Variants in BAAT observed in about 807,000 individuals in gnomAD.
BAAT encodes bile acid-CoA:amino acid N-acyltransferase.
In BAAT, 13 loss-of-function variants were observed where a neutral mutation model predicts 18.9. That is an observed-to-expected ratio of 0.69 (90% CI 0.45 to 1.10). The LOEUF is 1.10. Among genes scored for constraint, BAAT ranks in the 50% least tolerant of loss-of-function variants. The pLI is 0.00. For synonymous variants in BAAT, 170 were observed against 190.7 expected (o/e 0.89, Z 0.89); for missense variants, 489 against 504.0 (o/e 0.97, Z 0.28).
rs753958489 is a variant in BAAT, at chr9:101,362,473, T to A, written c.1212A>T (p.Arg404Ser). The A allele has an allele frequency of 1.2e-5, 20 of 1,613,942 alleles. No individual in the cohort carries two copies. Among genetic ancestry groups the A allele is most frequent in the Non-Finnish European group, 1.6e-5 (19 of 1,180,008 alleles). Residue 404 changes from arginine to serine, a missense_variant, in exon 4 of 4, where the codon AGA becomes AGT. Physicochemically the swap from Arg to Ser is moderately radical, Grantham distance 110. Coordinates refer to ENST00000259407, the MANE Select transcript of BAAT (RefSeq NM_001701.4). ...AQEHAWKEIQ[R>S]FLRKHLIPDV... The stretch of plus-strand genomic sequence containing the variant: ...CTGGAATGAGGTGCTTCCTGAGAAA[T>A]CTCTGGATCTCCTTCCAAGCATGTT...
intron 3 of BAAT, 74 bp from the exon 4 acceptor site, chr9:101,363,089 A>C: frequency 7.2e-7 from 1 of 1,396,630 alleles, no homozygotes. Flanking sequence ...AAACAACCAA[A>C]GAACTTCACT....
Position 101,368,298 on chromosome 9 carries a change from A to G in BAAT, c.491T>C (p.Ile164Thr). Residue 164 changes from isoleucine to threonine, a missense_variant, in exon 3 of 4, where the codon ATT becomes ACT. Ile to Thr is a moderately conservative substitution (Grantham distance 89). Coordinates refer to ENST00000259407, the MANE Select transcript of BAAT (RefSeq NM_001701.4). Reference sequence around the variant, plus strand: ...CCCACCCAAACCACCAAACAAATCAATTACCCCTGGGAAGAGACCCTCTCC... The same window carrying G: ...CCCACCCAAACCACCAAACAAATCAGTTACCCCTGGGAAGAGACCCTCTCC... Reference protein sequence around the residue: ...PPGEGLFPGVIDLFGGLGGLL... With the variant: ...PPGEGLFPGVTDLFGGLGGLL... 4 of 1,612,858 alleles carry G rather than the reference A, an allele frequency of 2.5e-6. No homozygotes were observed. Among genetic ancestry groups the G allele is most frequent in the Non-Finnish European group, 3.4e-6 (4 of 1,180,008 alleles).
At position 101,362,192 on chromosome 9, in the gene BAAT, T is replaced by C. The variant is rs1340424932; in HGVS notation, c.*236A>G. 1.7e-6 allele frequency: 1 copy of C among 603,078 alleles called. No individual in the cohort carries two copies. Among genetic ancestry groups the C allele is most frequent in the East Asian group, 2.8e-5 (1 of 35,406 alleles). 37.4% of individuals were successfully genotyped at this position (603,078 alleles called of 1,614,324 possible). On this transcript the variant is annotated 3_prime_UTR_variant, in exon 4 of 4. Transcript: ENST00000259407. ...TTAGAAGACCTGATGGAAAGAAAAGTCATGTAAATAATAAGTAAAATGATT... is the reference window on the plus strand; with the variant it reads ...TTAGAAGACCTGATGGAAAGAAAAGCCATGTAAATAATAAGTAAAATGATT...
At chr9:101,364,950 T>G (rs1484586088) in intron 3 of BAAT, among the ~76,000 whole-genome samples, 3 of 152,156 alleles carry the variant, frequency 2.0e-5, no homozygotes, top group Non-Finnish European at 2.9e-5. Context: ...CTTGCATAAA[T>G]GGAGGCAGAA....
Position 101,361,032 on chromosome 9 carries a change from C to G in BAAT, c.*1396G>C. On this transcript the variant is annotated 3_prime_UTR_variant, in exon 4 of 4. Coordinates refer to ENST00000259407, the MANE Select transcript of BAAT (RefSeq NM_001701.4). The stretch of plus-strand genomic sequence containing the variant: ...GTTGGAGTAAGACATGGATCTTGAC[C>G]CTATGGTTTTTGTGTAGACTGTTCC... The G allele has an allele frequency of 5.9e-6, 1 of 169,554 alleles. No individual in the cohort carries two copies. The highest frequency in any genetic ancestry group is 1.3e-5 in the Non-Finnish European group (1 of 75,532). 10.5% of individuals were successfully genotyped at this position (169,554 alleles called of 1,614,324 possible). A position where few individuals can be genotyped will look rare whatever the true frequency, so the allele number is the denominator to read the frequency against.
In BAAT at chr9:101,362,874, G is replaced by T; in HGVS notation, c.811C>A (p.His271Asn). The T allele has an allele frequency of 6.2e-7, 1 of 1,614,114 alleles. No homozygotes were observed. Among genetic ancestry groups the T allele is most frequent in the Non-Finnish European group, 8.5e-7 (1 of 1,180,010 alleles). The change falls in exon 4 of 4, where the codon CAT becomes AAT. Residue 271 changes from histidine to asparagine, a missense_variant. Transcript: ENST00000259407. Reference protein sequence around the residue: ...NFPFGIPQVYHGQIHQPLPHS... With the variant: ...NFPFGIPQVYNGQIHQPLPHS... The stretch of plus-strand genomic sequence containing the variant: ...GGAAGGGGCTGATGGATCTGACCAT[G>T]ATATACCTGTGGAATGCCAAAAGGA...
At chr9:101,374,623 G>A (rs1186595700) in intron 1 of BAAT, among the ~76,000 whole-genome samples, 1 of 152,046 alleles carries the variant, frequency 6.6e-6, no homozygotes, top group East Asian at 1.9e-4. Context: ...GCCAAGATTT[G>A]TCATGATAAA....
chr9:101,362,750 G>T lies in BAAT; in HGVS notation c.935C>A (p.Pro312His), dbSNP rs1312757367. 6 of 1,614,038 alleles carry T rather than the reference G, an allele frequency of 3.7e-6. No individual in the cohort carries two copies. Among genetic ancestry groups the T allele is most frequent in the Non-Finnish European group, 5.1e-6 (6 of 1,180,040 alleles). The stretch of plus-strand genomic sequence containing the variant: ...GAATTGCCCCTGGGCCTCTTCAATA[G>T]GAAACAAATATTGACTGGCCCCAAC... Reference protein sequence around the residue: ...TQVGASQYLFPIEEAQGQFLF... With the variant: ...TQVGASQYLFHIEEAQGQFLF... The change falls in exon 4 of 4, where the codon CCT (proline) becomes CAT (histidine). Residue 312 changes from proline to histidine, a missense_variant. Physicochemically the swap from Pro to His is moderately conservative, Grantham distance 77. Transcript: ENST00000259407.
Position 101,371,383 on chromosome 9 carries a change from G to C in BAAT, c.22C>G (p.Pro8Ala), listed in dbSNP as rs147241373. The C allele has an allele frequency of 6.2e-7, 1 of 1,611,746 alleles. No homozygotes were observed. The highest frequency in any genetic ancestry group is 1.3e-5 in the African/African-American group (1 of 75,010). The part of the protein sequence containing the change: MIQLTAT[P>A]VSALVDEPVH... ...GGCTCATCAACAAGTGCACTCACAG[G>C]GGTAGCTGTCAACTGGATCATTTTT... The change falls in exon 2 of 4, where the codon CCT becomes GCT. Residue 8 changes from proline to alanine, a missense_variant. Pro to Ala is a conservative substitution (Grantham distance 27, BLOSUM62 -1). Transcript: ENST00000259407.
intron 1 of BAAT, among the ~76,000 whole-genome samples, chr9:101,376,822 G>T (rs940946646): frequency 6.6e-6 from 1 of 152,068 alleles, no homozygotes; most frequent in Non-Finnish European, 1.5e-5. Flanking sequence ...CAAATAAATA[G>T]ATCTAAAAGT....
At position 101,368,221 on chromosome 9, in the gene BAAT, C is replaced by T; in HGVS notation, c.568G>A (p.Ala190Thr). ...TCTTCATAGTTATGGTAAGCCAAGG[C>T]CAAGGAGGCGAAGCCACGACTGGCT... The part of the protein sequence containing the change: ...LLASRGFASL[A>T]LAYHNYEDLP... Residue 190 changes from alanine (A) to threonine (T), a missense_variant, in exon 3 of 4, where the codon GCC (alanine) becomes ACC (threonine). Physicochemically the swap from Ala to Thr is moderately conservative, Grantham distance 58. Transcript: ENST00000259407. 2 of 1,614,042 alleles carry T rather than the reference C, an allele frequency of 1.2e-6. No individual in the cohort carries two copies. The highest frequency in any genetic ancestry group is 1.7e-6 in the Non-Finnish European group (2 of 1,180,004).
At chr9:101,384,717 T>C (rs561190321) in intron 1 of BAAT, among the ~76,000 whole-genome samples, 138 bp downstream of exon 1, 1 of 152,308 alleles carries the variant, frequency 6.6e-6, no homozygotes, top group African/African-American at 2.4e-5. Context: ...CAAATTTGTA[T>C]TTGCTGAACT....
chr9:101,363,809 T>C (rs1419632087), intron 3 of BAAT, among the ~76,000 whole-genome samples: 6 of 152,112 alleles, frequency 3.9e-5, no homozygotes, highest in Non-Finnish European at 8.8e-5. Context: ...TATTAAAAAA[T>C]GAAAGCCAAG....
rs76025423 is a variant in BAAT at position 101,374,595 on chromosome 9, C to A, written c.-59-3132G>T. Reference sequence around the variant, plus strand: ...GGATAACTGATAGCAACAAAGGGACCTACCCATATTTCAGAAGGCCAAGAT... The same window carrying A: ...GGATAACTGATAGCAACAAAGGGACATACCCATATTTCAGAAGGCCAAGAT... On this transcript the variant is annotated intron_variant, in intron 1 of 3. Coordinates refer to ENST00000259407, the MANE Select transcript of BAAT (RefSeq NM_001701.4). 1.0e-3 allele frequency among the ~76,000 whole-genome samples: 153 copies of A among 152,158 alleles called. 1 individual carries two copies. The Middle Eastern group carries it at 0.01, about 10-fold the overall frequency.
At chr9:101,378,567 C>G (rs1482274014) in intron 1 of BAAT, among the ~76,000 whole-genome samples, 1 of 152,140 alleles carries the variant, frequency 6.6e-6, no homozygotes, top group Non-Finnish European at 1.5e-5. Flanking sequence ...ACACCTTATA[C>G]AAAAATTAAC....
At chr9:101,377,699 C>T (rs1830070384) in intron 1 of BAAT, among the ~76,000 whole-genome samples, 1 of 152,112 alleles carries the variant, frequency 6.6e-6, no homozygotes, top group Non-Finnish European at 1.5e-5. Context: ...CAGCACAAGA[C>T]AAGGATGTCC....
At chr9:101,373,571 G>C (rs1353378964) in intron 1 of BAAT, among the ~76,000 whole-genome samples, 1 of 152,168 alleles carries the variant, frequency 6.6e-6, no homozygotes, top group South Asian at 2.1e-4. Flanking sequence ...GAACGATAAC[G>C]ATGTTTTGTT....
rs1236786091 is a variant in BAAT, at chr9:101,360,535, G to C, written c.*1893C>G. ...CAGGAAGTTTACAATCATGGCAGCA[G>C]GTGAACAGCGAGGAGGCATCTCACA... On this transcript the variant is annotated 3_prime_UTR_variant, in exon 4 of 4. Coordinates refer to ENST00000259407, the MANE Select transcript of BAAT (RefSeq NM_001701.4). The C allele has an allele frequency of 6.6e-6, 1 of 152,310 alleles. No homozygotes were observed. The highest frequency in any genetic ancestry group is 1.5e-5 in the Non-Finnish European group (1 of 68,148). The allele number at this position is 152,310 out of a possible 1,614,324, so 9.4% of individuals were successfully genotyped here.
Position 101,362,163 on chromosome 9 carries a change from C to T in BAAT, c.*265G>A, listed in dbSNP as rs1389354812. On this transcript the variant is annotated 3_prime_UTR_variant, in exon 4 of 4. Coordinates refer to ENST00000259407, the MANE Select transcript of BAAT (RefSeq NM_001701.4). The stretch of plus-strand genomic sequence containing the variant: ...TTTGCCAGTGTACTATACCTCAGTC[C>T]TATTTAGAAGACCTGATGGAAAGAA... The T allele has an allele frequency of 3.5e-6, 2 of 563,466 alleles. No individual in the cohort carries two copies. Among genetic ancestry groups the T allele is most frequent in the Non-Finnish European group, 6.3e-6 (2 of 317,672 alleles). The allele number at this position is 563,466 out of a possible 1,614,324, so 34.9% of individuals were successfully genotyped here.
Sources: allele counts gnomAD v4.1 joint callset (sites outside exome capture counted in the v4.1 genomes callset), GRCh38; gene constraint gnomAD v4.1.1; transcripts MANE v1.5; gene names NCBI Gene and HGNC (gene_info 2026-07-23, HGNC 2026-07-21).